The following GHR variants were observed in gnomAD, a reference collection of about 807,000 sequenced individuals.
GHR encodes the protein growth hormone receptor, also known as GH receptor.
In GHR, 35 loss-of-function variants were observed where a neutral mutation model predicts 67.1. That is an observed-to-expected ratio of 0.52 (90% CI 0.40 to 0.69). The LOEUF is 0.69. GHR is among the 30% of genes least tolerant of loss of function. The pLI, the probability that GHR is intolerant of heterozygous loss-of-function variation, is 0.00. For missense variants in GHR, 792 were observed against 764.6 expected, an observed-to-expected ratio of 1.04 and a Z score of -0.42; for synonymous variants, 272 against 269.1, an observed-to-expected ratio of 1.01 and a Z score of -0.10.
chr5:42,485,381 T>A (rs2112170567), intron 1 of GHR, among the ~76,000 whole-genome samples: 1 of 152,348 alleles, frequency 6.6e-6, no homozygotes, highest in East Asian at 1.9e-4. Flanking sequence ...TAAGCATTAA[T>A]ACCCCCATCA....
rs190176779 is a variant in GHR at position 42,456,082 on chromosome 5, A to G, written c.-12+32127A>G. Among the ~76,000 whole-genome samples the G allele has an allele frequency of 7.6e-3, 1,161 of 152,324 alleles. 14 individuals carry two copies. The highest frequency in any genetic ancestry group is 0.027 in the African/African-American group (1,112 of 41,568). On this transcript the variant is annotated intron_variant, in intron 1 of 9. Transcript: ENST00000230882. ...AATCCCAGCATTTTGGGAGGCAGATACGGGCAGATCACAAGGTCAAGAGAT... is the reference window on the plus strand; with the variant it reads ...AATCCCAGCATTTTGGGAGGCAGATGCGGGCAGATCACAAGGTCAAGAGAT...
chr5:42,565,860 G>C lies in GHR; in HGVS notation c.-11-4G>C. ...GCTTTACCTTACCCTTTTTGTGATT[G>C]CAGGTCCTACAGGTATGGATCTCTG... is the stretch of plus-strand genomic sequence containing the variant. On this transcript the variant is annotated splice_polypyrimidine_tract_variant and splice_region_variant and intron_variant, in intron 1 of 9. Coordinates refer to ENST00000230882, the MANE Select transcript of GHR (RefSeq NM_000163.5). The C allele has an allele frequency of 6.2e-7, 1 of 1,613,784 alleles. No homozygotes were observed. The highest frequency in any genetic ancestry group is 1.1e-5 in the South Asian group (1 of 91,082).
intron 1 of GHR, chr5:42,425,016 G>A (rs1423374818): frequency 3.0e-6 from 3 of 985,326 alleles, no homozygotes; most frequent in African/African-American, 1.7e-5. Context: ...GCCGCCAGGA[G>A]ACCTTGGAAG....
chr5:42,469,856 G>T (rs941140384), intron 1 of GHR, among the ~76,000 whole-genome samples: 6 of 152,050 alleles, frequency 3.9e-5, no homozygotes, highest in African/African-American at 9.7e-5. Context: ...AAGCATAAAG[G>T]TTTCTTTCTG....
chr5:42,511,172 C>T (rs1386401863), intron 1 of GHR, among the ~76,000 whole-genome samples: 1 of 152,152 alleles, frequency 6.6e-6, no homozygotes, highest in Non-Finnish European at 1.5e-5. Flanking sequence ...CTGGTCTTTC[C>T]CTGCCTGGAA....
chr5:42,548,349 T>A (rs1404575226), intron 1 of GHR: 1 of 985,218 alleles, frequency 1.0e-6, no homozygotes. Context: ...CCAAGAAACT[T>A]CTGTGGGATC....
chr5:42,666,534 CTTTTTA>C (rs938091167), intron 3 of GHR, among the ~76,000 whole-genome samples: 4 of 152,076 alleles, frequency 2.6e-5, no homozygotes, highest in African/African-American at 9.7e-5. Flanking sequence ...ATTTTTCACT[CTTTTTA>C]TTTTTAAATT....
chr5:42,674,255 T>C (rs562786490), intron 3 of GHR, among the ~76,000 whole-genome samples: 123 of 152,346 alleles, frequency 8.1e-4, no homozygotes, highest in African/African-American at 2.9e-3. Context: ...AAAAAGTGAC[T>C]GTCCAATAGA....
At chr5:42,506,061 T>C (rs1252277869) in intron 1 of GHR, among the ~76,000 whole-genome samples, 1 of 152,198 alleles carries the variant, frequency 6.6e-6, no homozygotes, top group African/African-American at 2.4e-5. Flanking sequence ...AATATTTATT[T>C]AGGACTTGCT....
chr5:42,620,827 A>T (rs1753405297), intron 2 of GHR, among the ~76,000 whole-genome samples: 1 of 152,164 alleles, frequency 6.6e-6, no homozygotes. Flanking sequence ...ACTATTTTGA[A>T]TGAGTGAATT....
intron 2 of GHR, among the ~76,000 whole-genome samples, chr5:42,621,877 T>C (rs568940578): frequency 6.6e-6 from 1 of 152,336 alleles, no homozygotes; most frequent in African/African-American, 2.4e-5. Context: ...GAGGTAATAC[T>C]GTCTCTTGGA....
intron 1 of GHR, among the ~76,000 whole-genome samples, chr5:42,489,148 A>T (rs1431723048): frequency 6.6e-6 from 1 of 151,608 alleles, no homozygotes; most frequent in East Asian, 1.9e-4. Flanking sequence ...TCTCTGCCTT[A>T]CCCTCTCTTT....
chr5:42,700,702 C>T (rs1757891496), intron 6 of GHR, among the ~76,000 whole-genome samples: 1 of 152,296 alleles, frequency 6.6e-6, no homozygotes, highest in East Asian at 1.9e-4. Flanking sequence ...GCCACAGCCA[C>T]AGCCAAGCCA....
intron 3 of GHR, among the ~76,000 whole-genome samples, chr5:42,638,141 G>A (rs55654289): frequency 2.0e-5 from 3 of 151,862 alleles, no homozygotes; most frequent in Non-Finnish European, 2.9e-5. Context: ...GGATTTCACC[G>A]TGTTGGTCAG....
chr5:42,576,095 AAAAT>A (rs1289221868), intron 2 of GHR, among the ~76,000 whole-genome samples: 2,200 of 94,276 alleles, frequency 0.023, 41 homozygotes, highest in African/African-American at 0.051. Flanking sequence ...AAAATAAAAT[AAAAT>A]AAATAAAATA....
chr5:42,521,767 G>A (rs990421277), intron 1 of GHR, among the ~76,000 whole-genome samples: 1 of 152,114 alleles, frequency 6.6e-6, no homozygotes, highest in Non-Finnish European at 1.5e-5. Flanking sequence ...GATATTACTT[G>A]GGTTGAGAGT....
intron 2 of GHR, among the ~76,000 whole-genome samples, chr5:42,595,560 A>G (rs552596185): frequency 6.6e-6 from 1 of 152,088 alleles, no homozygotes; most frequent in East Asian, 1.9e-4. Flanking sequence ...ATTTTTCTTA[A>G]TATGTTTTAT....
chr5:42,595,000 G>A (rs1751991766), intron 2 of GHR, among the ~76,000 whole-genome samples: 2 of 152,050 alleles, frequency 1.3e-5, no homozygotes, highest in Non-Finnish European at 2.9e-5. Context: ...ACATATTCAT[G>A]ACACAGTCCC....
At chr5:42,656,261 T>C (rs542377356) in intron 3 of GHR, among the ~76,000 whole-genome samples, 13 of 152,312 alleles carry the variant, frequency 8.5e-5, no homozygotes, top group African/African-American at 1.9e-4. Flanking sequence ...TGCTCAATAT[T>C]AGAAAACTTT....
Sources: allele counts gnomAD v4.1 joint callset (sites outside exome capture counted in the v4.1 genomes callset), GRCh38; gene constraint gnomAD v4.1.1; transcripts MANE v1.5; gene names NCBI Gene and HGNC (gene_info 2026-07-23, HGNC 2026-07-21).